CPSF3: variants seen among roughly 807,000 people sequenced by gnomAD.
CPSF3 encodes the protein cleavage and polyadenylation specificity factor subunit 3.
A neutral mutation model predicts 84.1 loss-of-function variants in CPSF3; 57 were observed. The ratio of observed to expected loss-of-function variants is 0.68; its 90% CI spans 0.55 to 0.85. The LOEUF (loss-of-function observed/expected upper bound fraction) is 0.85, where lower values mean the gene tolerates loss of function less well. Ranked by LOEUF, CPSF3 falls within the 40% of genes least tolerant of loss-of-function variation. The pLI is 0.00. For synonymous variants in CPSF3, 275 were observed against 278.1 expected, an observed-to-expected ratio of 0.99 and a Z score of 0.11; for missense variants, 522 against 838.8, an observed-to-expected ratio of 0.62 and a Z score of 4.66.
At chr2:9,450,152 T>C (rs1049790421) in intron 11 of CPSF3, among the ~76,000 whole-genome samples, 54 of 149,100 alleles carry the variant, frequency 3.6e-4, no homozygotes, top group Admixed American at 1.7e-3. Flanking sequence ...CACAAATTTT[T>C]TTTTTTTTTT....
At position 9,440,638 on chromosome 2, in the gene CPSF3, T is replaced by C; in HGVS notation, c.908T>C (p.Phe303Ser). 1 of 1,614,166 alleles carries C rather than the reference T, an allele frequency of 6.2e-7. No homozygotes were observed. Among genetic ancestry groups the C allele is most frequent in the Non-Finnish European group, 8.5e-7 (1 of 1,180,004 alleles). The change falls in exon 8 of 18, where the codon TTT (phenylalanine) becomes TCT (serine). Residue 303 changes from phenylalanine to serine, a missense_variant. Physicochemically the swap from Phe to Ser is radical, Grantham distance 155 (BLOSUM62 -2). This residue lies in a region of CPSF3 where 329 missense variants were observed against 607.2 expected (regional missense o/e 0.54). Transcript: ENST00000238112. Reference protein sequence around the residue: ...IRKQININNPFVFKHISNLKS... With the variant: ...IRKQININNPSVFKHISNLKS... ...AAACAGATCAACATCAATAATCCCT[T>C]TGTTTTCAAACACATTAGTAACCTC...
intron 7 of CPSF3, among the ~76,000 whole-genome samples, chr2:9,439,165 T>A (rs1364398365): frequency 1.3e-5 from 2 of 152,234 alleles, no homozygotes; most frequent in African/African-American, 2.4e-5. Context: ...TTATCATTGA[T>A]ACATCAAATG....
chr2:9,462,530 A>T (rs1681764758), intron 15 of CPSF3, among the ~76,000 whole-genome samples: 1 of 152,086 alleles, frequency 6.6e-6, no homozygotes, highest in South Asian at 2.1e-4. Flanking sequence ...TGCTGTTCTG[A>T]TGAGGGCTCT....
At chr2:9,449,420 T>C (rs1681241323) in intron 11 of CPSF3, among the ~76,000 whole-genome samples, 1 of 151,894 alleles carries the variant, frequency 6.6e-6, no homozygotes, top group Non-Finnish European at 1.5e-5. Context: ...AGTGAGACTG[T>C]GTCTCAAAAC....
At chr2:9,431,467 C>G (rs897940382) in intron 4 of CPSF3, among the ~76,000 whole-genome samples, 1 of 151,732 alleles carries the variant, frequency 6.6e-6, no homozygotes, top group Non-Finnish European at 1.5e-5. Flanking sequence ...TTACCACATA[C>G]TAGGCCCAAT....
At chr2:9,454,844 C>G (rs750918290) in intron 12 of CPSF3, among the ~76,000 whole-genome samples, 40 of 151,718 alleles carry the variant, frequency 2.6e-4, no homozygotes, top group Non-Finnish European at 8.8e-5. Flanking sequence ...GCGCCGGGCC[C>G]GAGCTCTTAC....
chr2:9,462,324 T>C (rs1681756324), intron 15 of CPSF3, among the ~76,000 whole-genome samples: 2 of 152,264 alleles, frequency 1.3e-5, no homozygotes, highest in South Asian at 4.1e-4. Flanking sequence ...AAGTCTTTTT[T>C]GTAATATAGT....
intron 16 of CPSF3, among the ~76,000 whole-genome samples, chr2:9,470,644 T>C (rs1350077079): frequency 2.6e-5 from 4 of 152,232 alleles, no homozygotes; most frequent in Non-Finnish European, 5.9e-5. Context: ...AGTGCACAGC[T>C]AGTGGGCTTG....
intron 10 of CPSF3, 105 bp from the exon 11 acceptor site, chr2:9,448,093 T>C: frequency 1.7e-6 from 1 of 600,118 alleles, no homozygotes; most frequent in South Asian, 5.3e-5. Flanking sequence ...CAAGTATGTC[T>C]CTATTTCATA....
intron 16 of CPSF3, among the ~76,000 whole-genome samples, chr2:9,470,293 T>C (rs1682119435): frequency 6.6e-6 from 1 of 152,202 alleles, no homozygotes; most frequent in Non-Finnish European, 1.5e-5. Context: ...TTCACACATA[T>C]GATGAGCAGT....
chr2:9,441,115 T>G (rs1466388354), intron 8 of CPSF3, among the ~76,000 whole-genome samples: 1 of 152,228 alleles, frequency 6.6e-6, no homozygotes, highest in East Asian at 1.9e-4. Context: ...TATTTAAGTT[T>G]CTCTTCTCAC....
chr2:9,446,580 CA>C (rs71389245), intron 10 of CPSF3, among the ~76,000 whole-genome samples: 5,516 of 89,064 alleles, frequency 0.062, 302 homozygotes, highest in African/African-American at 0.21. Context: ...GACTCGGTCT[CA>C]AAAAAAAAAA....
At chr2:9,445,895 C>G (rs1023041470) in intron 10 of CPSF3, among the ~76,000 whole-genome samples, 1 of 152,212 alleles carries the variant, frequency 6.6e-6, no homozygotes, top group Non-Finnish European at 1.5e-5. Context: ...TACTAGCTAA[C>G]ATTGATTATT....
intron 7 of CPSF3, among the ~76,000 whole-genome samples, chr2:9,439,528 A>C (rs910504643): frequency 1.3e-5 from 2 of 152,064 alleles, no homozygotes; most frequent in Admixed American, 1.3e-4. Context: ...CATATAATAC[A>C]TTTTCAAACT....
intron 16 of CPSF3, among the ~76,000 whole-genome samples, chr2:9,468,961 T>C (rs917228985): frequency 2.0e-5 from 3 of 152,024 alleles, no homozygotes; most frequent in Non-Finnish European, 2.9e-5. Context: ...TAAAAAAAAA[T>C]GATAGACTTT....
chr2:9,447,583 G>A (rs1287832641), intron 10 of CPSF3, among the ~76,000 whole-genome samples: 4 of 151,740 alleles, frequency 2.6e-5, no homozygotes, highest in African/African-American at 7.3e-5. Context: ...AGACCAGCCT[G>A]ACCAACATGG....
At position 9,467,745 on chromosome 2, in the gene CPSF3, G is replaced by T; in HGVS notation, c.1825G>T (p.Val609Phe). 4 of 1,607,950 alleles carry T rather than the reference G, an allele frequency of 2.5e-6. No individual in the cohort carries two copies. The highest frequency in any genetic ancestry group is 3.4e-6 in the Non-Finnish European group (4 of 1,176,672). The part of the protein sequence containing the change: ...QKVSKKLEMH[V>F]YSKRLEIMLQ... Reference sequence around the variant, plus strand: ...GGTTTCTAAAAAATTAGAAATGCACGTTTACAGCAAGAGGTTGGAGATCAT... The same window carrying T: ...GGTTTCTAAAAAATTAGAAATGCACTTTTACAGCAAGAGGTTGGAGATCAT... Residue 609 changes from valine to phenylalanine, a missense_variant, in exon 16 of 18, where the codon GTT (valine) becomes TTT (phenylalanine). Physicochemically the swap from Val to Phe is conservative, Grantham distance 50 (BLOSUM62 -1). Around this residue, in one of 2 missense-constraint regions of CPSF3, gnomAD observed 193 missense variants for 231.6 expected, o/e 0.83. Coordinates refer to ENST00000238112, the MANE Select transcript of CPSF3 (RefSeq NM_016207.4).
intron 1 of CPSF3, among the ~76,000 whole-genome samples, chr2:9,428,556 A>G (rs1376043434): frequency 1.3e-5 from 2 of 152,056 alleles, no homozygotes; most frequent in African/African-American, 4.8e-5. Context: ...AGATCCCTGG[A>G]CTCCCAAGGA....
intron 13 of CPSF3, 145 bp downstream of exon 13, chr2:9,455,902 C>A: frequency 1.8e-6 from 1 of 545,396 alleles, no homozygotes; most frequent in Non-Finnish European, 3.1e-6. Flanking sequence ...GTTATTATTG[C>A]CTTTATGTGA....
Sources: allele counts gnomAD v4.1 joint callset (sites outside exome capture counted in the v4.1 genomes callset), GRCh38; gene constraint gnomAD v4.1.1; regional missense constraint gnomAD v4.1.1; transcripts MANE v1.5; gene names NCBI Gene and HGNC (gene_info 2026-07-23, HGNC 2026-07-21).